The following AFAP1 variants were observed in gnomAD, a reference collection of about 807,000 sequenced individuals.
AFAP1 encodes the protein actin filament-associated protein 1.
AFAP1 carries 75 observed loss-of-function variants against 93.9 expected under a neutral mutation model. The observed-to-expected ratio is 0.80, with a 90% CI of 0.66 to 0.97. AFAP1 has a LOEUF of 0.97. AFAP1 is among the 50% of genes least tolerant of loss of function. AFAP1 has a pLI of 0.00. For synonymous variants in AFAP1, 517 were observed against 430.7 expected (o/e 1.20, Z -2.48); for missense variants, 1,201 against 1,050.8 (o/e 1.14, Z -1.98).
chr4:7,781,411 A>T lies in AFAP1; in HGVS notation c.1747T>A (p.Ser583Thr). ...AGCCCGAGAGACGCCCTCCCCACAG[A>T]AGAGGTATTAGTGACAGACTGAGCG... Reference protein sequence around the residue: ...ASAQSVTNTSSVGRASLGLNS... With the variant: ...ASAQSVTNTSTVGRASLGLNS... The change falls in exon 13 of 18, where the codon TCT becomes ACT. Residue 583 changes from serine (S) to threonine (T), a missense_variant. Ser to Thr is a moderately conservative substitution (Grantham distance 58, BLOSUM62 1). Transcript: ENST00000420658. 6.4e-7 allele frequency: 1 copy of T among 1,551,878 alleles called. No homozygotes were observed. Among genetic ancestry groups the T allele is most frequent in the Non-Finnish European group, 8.7e-7 (1 of 1,147,040 alleles).
chr4:7,800,569 C>T lies in AFAP1; in HGVS notation c.1139G>A (p.Arg380Lys). 6.2e-7 allele frequency: 1 copy of T among 1,614,204 alleles called. No individual in the cohort carries two copies. Among genetic ancestry groups the T allele is most frequent in the Non-Finnish European group, 8.5e-7 (1 of 1,180,022 alleles). ...KDNKLIFHKD[R>K]TDLKTHIVSI... Reference sequence around the variant, plus strand: ...CACAATATGGGTCTTCAGGTCGGTCCTGTCCTTGTGGAAAATGAGCTTGTT... The same window carrying T: ...CACAATATGGGTCTTCAGGTCGGTCTTGTCCTTGTGGAAAATGAGCTTGTT... The change falls in exon 10 of 18, where the codon AGG becomes AAG. Residue 380 changes from arginine to lysine, a missense_variant. Coordinates refer to ENST00000420658, the MANE Select transcript of AFAP1 (RefSeq NM_001134647.2).
rs919060798 is a variant in AFAP1, at chr4:7,800,540, T to A, written c.1168A>T (p.Ile390Phe). The A allele has an allele frequency of 6.2e-7, 1 of 1,614,216 alleles. No homozygotes were observed. Among genetic ancestry groups the A allele is most frequent in the Non-Finnish European group, 8.5e-7 (1 of 1,180,032 alleles). ...RTDLKTHIVS[I>F]PLRGCEVIPG... ...ATCACCTCGCAGCCACGGAGCGGAA[T>A]AGACACAATATGGGTCTTCAGGTCG... Residue 390 changes from isoleucine (I) to phenylalanine (F), a missense_variant, in exon 10 of 18, where the codon ATT (isoleucine) becomes TTT (phenylalanine). Ile to Phe is a conservative substitution (Grantham distance 21). Transcript: ENST00000420658.
chr4:7,828,640 G>A (rs1721638910), intron 6 of AFAP1, among the ~76,000 whole-genome samples: 1 of 152,208 alleles, frequency 6.6e-6, no homozygotes, highest in South Asian at 2.1e-4. Context: ...TTTTACTTAT[G>A]TAAGGCTCAT....
intron 4 of AFAP1, among the ~76,000 whole-genome samples, chr4:7,844,318 G>A (rs1413437636): frequency 1.3e-5 from 2 of 152,270 alleles, no homozygotes; most frequent in African/African-American, 4.8e-5. Flanking sequence ...TCCCCACCAT[G>A]TGAGGACACA....
intron 12 of AFAP1, among the ~76,000 whole-genome samples, chr4:7,785,080 G>A (rs1560156091): frequency 6.6e-6 from 1 of 152,294 alleles, no homozygotes; most frequent in Admixed American, 6.5e-5. Flanking sequence ...ATGGCATACT[G>A]GTTTCTCACA....
Position 7,761,167 on chromosome 4 carries a change from G to T in AFAP1, c.*2598C>A, listed in dbSNP as rs1403681229. 1.3e-5 allele frequency: 2 copies of T among 152,298 alleles called. 1 individual carries two copies. The highest frequency in any genetic ancestry group is 4.1e-4 in the South Asian group (2 of 4,828). The allele number at this position is 152,298 out of a possible 1,614,324, so 9.4% of individuals were successfully genotyped here. On this transcript the variant is annotated 3_prime_UTR_variant, in exon 18 of 18. Transcript: ENST00000420658. ...ATATAAATTAAAAACTATATTTATT[G>T]AACATATACACATAAATAACTTATT...
intron 4 of AFAP1, among the ~76,000 whole-genome samples, chr4:7,850,972 G>C (rs573446692): frequency 3.3e-5 from 5 of 151,934 alleles, no homozygotes; most frequent in Admixed American, 6.6e-5. Context: ...AACAGCTCCC[G>C]CAAGTGTGCA....
intron 8 of AFAP1, among the ~76,000 whole-genome samples, chr4:7,810,618 C>T (rs1365444388): frequency 1.3e-5 from 2 of 152,188 alleles, no homozygotes; most frequent in African/African-American, 2.4e-5. Flanking sequence ...CCCTCATATT[C>T]GGTTTAGCCA....
At chr4:7,887,490 A>T (rs1718202076) in intron 1 of AFAP1, among the ~76,000 whole-genome samples, 1 of 152,258 alleles carries the variant, frequency 6.6e-6, no homozygotes, top group African/African-American at 2.4e-5. Flanking sequence ...CAATTAAGCT[A>T]AAATAAATCA....
At chr4:7,815,702 G>T (rs532694777) in intron 8 of AFAP1, among the ~76,000 whole-genome samples, 1 of 152,308 alleles carries the variant, frequency 6.6e-6, no homozygotes, top group South Asian at 2.1e-4. Context: ...ATGCAAATTT[G>T]TCTCAGTGAC....
At chr4:7,776,473 T>C (rs1716141018) in intron 14 of AFAP1, 1 of 152,230 alleles carries the variant, frequency 6.6e-6, no homozygotes, top group South Asian at 2.1e-4. Flanking sequence ...ACGCCTGATG[T>C]AGTGGACATT....
At chr4:7,851,035 T>G (rs1243325026) in intron 4 of AFAP1, among the ~76,000 whole-genome samples, 1 of 152,080 alleles carries the variant, frequency 6.6e-6, no homozygotes, top group African/African-American at 2.4e-5. Context: ...GCTGTTCTGA[T>G]GAAACCCTCA....
At chr4:7,838,405 C>G in intron 6 of AFAP1, 119 bp downstream of exon 6, 1 of 1,218,662 alleles carries the variant, frequency 8.2e-7, no homozygotes, top group Non-Finnish European at 1.1e-6. Context: ...AGACAAAACT[C>G]TTTGGGTGAA....
intron 4 of AFAP1, among the ~76,000 whole-genome samples, chr4:7,845,705 A>C: frequency 6.6e-6 from 1 of 151,502 alleles, no homozygotes; most frequent in Non-Finnish European, 1.5e-5. Context: ...TCCCCCTCCA[A>C]CACACCCCAC....
intron 1 of AFAP1, among the ~76,000 whole-genome samples, chr4:7,885,964 T>C (rs1718118742): frequency 2.0e-5 from 3 of 152,136 alleles, no homozygotes; most frequent in East Asian, 1.9e-4. Context: ...TATTTTCCCT[T>C]ATAGGGTTAC....
At chr4:7,842,961 G>A (rs1713232296) in intron 5 of AFAP1, 178 bp downstream of exon 5, 4 of 624,782 alleles carry the variant, frequency 6.4e-6, no homozygotes, top group Admixed American at 3.0e-5. Flanking sequence ...ACGGGCGAGT[G>A]CTCCCTGATG....
intron 1 of AFAP1, among the ~76,000 whole-genome samples, chr4:7,933,929 C>T (rs1010778113): frequency 6.6e-6 from 1 of 152,190 alleles, no homozygotes; most frequent in African/African-American, 2.4e-5. Flanking sequence ...TATTTTAAGC[C>T]ACTAAATTTG....
intron 1 of AFAP1, among the ~76,000 whole-genome samples, chr4:7,937,766 C>T (rs1721476045): frequency 6.6e-6 from 1 of 152,188 alleles, no homozygotes; most frequent in African/African-American, 2.4e-5. Flanking sequence ...GGATTACAGG[C>T]GTGAGCCACC....
At position 7,881,163 on chromosome 4, in the gene AFAP1, G is replaced by C. The variant is rs1175211788; in HGVS notation, c.-2-9083C>G. 2.0e-5 allele frequency among the ~76,000 whole-genome samples: 3 copies of C among 152,192 alleles called. No individual in the cohort carries two copies. In the East Asian group the frequency reaches 5.8e-4, roughly 29 times the overall value. On this transcript the variant is annotated intron_variant, in intron 1 of 17. Coordinates refer to ENST00000420658, the MANE Select transcript of AFAP1 (RefSeq NM_001134647.2). ...TTATCTAATCTAAATTGGGGGGTGG[G>C]AACAGTATGTGCATTTTCCCAATTT...
Sources: gnomAD v4.1 joint callset for allele counts (sites outside exome capture counted in the v4.1 genomes callset) on GRCh38, gnomAD v4.1.1 for gene constraint, MANE v1.5 for transcripts, NCBI Gene and HGNC (gene_info 2026-07-23, HGNC 2026-07-21) for gene names.